PRICKLE1: variants seen among roughly 807,000 people sequenced by gnomAD.
PRICKLE1 encodes prickle planar cell polarity protein 1.
In PRICKLE1, 14 loss-of-function variants were observed where a neutral mutation model predicts 70.2. That is an observed-to-expected ratio of 0.20 (90% CI 0.13 to 0.31). The LOEUF (loss-of-function observed/expected upper bound fraction) is 0.31, where lower values mean the gene tolerates loss of function less well. Ranked by LOEUF, PRICKLE1 falls within the 10% of genes least tolerant of loss-of-function variation. The pLI is 1.00. For missense variants in PRICKLE1, 821 were observed against 1,026.2 expected, an observed-to-expected ratio of 0.80 and a Z score of 2.73; for synonymous variants, 357 against 379.9, an observed-to-expected ratio of 0.94 and a Z score of 0.70.
At chr12:42,514,166 T>C (rs1939564552) in intron 1 of PRICKLE1, among the ~76,000 whole-genome samples, 1 of 152,174 alleles carries the variant, frequency 6.6e-6, no homozygotes, top group Admixed American at 6.5e-5. Context: ...TGCAATAAAA[T>C]AGTCCAACAG....
At chr12:42,567,743 C>G (rs1241545916) in intron 1 of PRICKLE1, among the ~76,000 whole-genome samples, 1 of 145,284 alleles carries the variant, frequency 6.9e-6, no homozygotes, top group African/African-American at 2.6e-5. Flanking sequence ...AGGAGAATAG[C>G]TTGAACCCGG....
chr12:42,461,821 T>C (rs1937847975), intron 7 of PRICKLE1, among the ~76,000 whole-genome samples: 1 of 152,170 alleles, frequency 6.6e-6, no homozygotes, highest in Non-Finnish European at 1.5e-5. Context: ...TTTTTTGAGA[T>C]GGAGTCTCGC....
chr12:42,540,139 C>T (rs1940086294), intron 1 of PRICKLE1, among the ~76,000 whole-genome samples: 1 of 152,206 alleles, frequency 6.6e-6, no homozygotes, highest in South Asian at 2.1e-4. Context: ...AAATCCATAG[C>T]TTTACTCATG....
At chr12:42,514,755 TG>T (rs901348010) in intron 1 of PRICKLE1, among the ~76,000 whole-genome samples, 6 of 152,150 alleles carry the variant, frequency 3.9e-5, no homozygotes, top group Admixed American at 2.6e-4. Context: ...CTAAAAGGCT[TG>T]TTTTGAGAAA....
chr12:42,532,924 T>G (rs532633096), intron 1 of PRICKLE1, among the ~76,000 whole-genome samples: 26 of 150,664 alleles, frequency 1.7e-4, no homozygotes, highest in Non-Finnish European at 3.5e-4. Context: ...GTGTTTGGAA[T>G]CTGGTGTGTT....
At position 42,543,583 on chromosome 12, in the gene PRICKLE1, C is replaced by T. The variant is rs188050214; in HGVS notation, c.-49+45882G>A. On this transcript the variant is annotated intron_variant, in intron 1 of 7. Coordinates refer to ENST00000345127, the MANE Select transcript of PRICKLE1 (RefSeq NM_153026.3). ...TGTCGCCCAGTCTGGAGTGCAGTGGCGCGATCTTGGCTCACTGCAAGCTCC... is the reference window on the plus strand; with the variant it reads ...TGTCGCCCAGTCTGGAGTGCAGTGGTGCGATCTTGGCTCACTGCAAGCTCC... 9.4e-4 allele frequency among the ~76,000 whole-genome samples: 143 copies of T among 152,160 alleles called. No individual in the cohort carries two copies. The East Asian group carries it at 0.012, about 13-fold the overall frequency.
At chr12:42,485,053 C>T (rs2140163357) in intron 1 of PRICKLE1, among the ~76,000 whole-genome samples, 1 of 151,650 alleles carries the variant, frequency 6.6e-6, no homozygotes, top group Non-Finnish European at 1.5e-5. Flanking sequence ...AAAAATAATC[C>T]TGTACCATCA....
chr12:42,471,246 T>G (rs1214558606), intron 2 of PRICKLE1, among the ~76,000 whole-genome samples: 3 of 152,096 alleles, frequency 2.0e-5, no homozygotes, highest in African/African-American at 7.2e-5. Flanking sequence ...TTGCTCACTC[T>G]GAAAGGAAAA....
At chr12:42,520,656 T>G (rs1437452734) in intron 1 of PRICKLE1, among the ~76,000 whole-genome samples, 4 of 152,234 alleles carry the variant, frequency 2.6e-5, no homozygotes, top group Non-Finnish European at 5.9e-5. Flanking sequence ...CAAATACACT[T>G]ACACTTCAAA....
At chr12:42,467,511 G>T (rs1431850362) in intron 5 of PRICKLE1, among the ~76,000 whole-genome samples, 1 of 152,114 alleles carries the variant, frequency 6.6e-6, no homozygotes, top group East Asian at 1.9e-4. Context: ...GAGGCTGAGG[G>T]AGGTGAATCT....
intron 1 of PRICKLE1, among the ~76,000 whole-genome samples, chr12:42,535,270 A>C (rs760966795): frequency 1.3e-5 from 2 of 152,198 alleles, no homozygotes; most frequent in South Asian, 2.1e-4. Flanking sequence ...AGACATGCTG[A>C]AGAAGAAGAG....
intron 1 of PRICKLE1, among the ~76,000 whole-genome samples, chr12:42,501,233 G>A (rs911359463): frequency 1.1e-4 from 16 of 152,192 alleles, no homozygotes; most frequent in Admixed American, 4.6e-4. Context: ...GGCCGGGTGC[G>A]GTGGCTCATG....
At chr12:42,558,891 A>G (rs904163145) in intron 1 of PRICKLE1, among the ~76,000 whole-genome samples, 1 of 152,192 alleles carries the variant, frequency 6.6e-6, no homozygotes, top group Admixed American at 6.5e-5. Flanking sequence ...CAAATAGCAA[A>G]CAGGCAGAGA....
chr12:42,553,146 T>C (rs947872389), intron 1 of PRICKLE1, among the ~76,000 whole-genome samples: 4 of 147,458 alleles, frequency 2.7e-5, no homozygotes, highest in African/African-American at 9.8e-5. Context: ...GGTTCTTAAA[T>C]TTTTTTTTTT....
At chr12:42,520,182 C>T (rs1044204112) in intron 1 of PRICKLE1, among the ~76,000 whole-genome samples, 5 of 152,126 alleles carry the variant, frequency 3.3e-5, no homozygotes, top group African/African-American at 9.7e-5. Flanking sequence ...TTATCCAGGC[C>T]ACCAGATCTG....
At position 42,458,958 on chromosome 12, in the gene PRICKLE1, C is replaced by A. The variant is rs1937682240; in HGVS notation, c.*851G>T. 1 of 256,318 alleles carries A rather than the reference C, an allele frequency of 3.9e-6. No homozygotes were observed. The highest frequency in any genetic ancestry group is 4.7e-5 in the Admixed American group (1 of 21,406). The allele number at this position is 256,318 out of a possible 1,614,324, so 15.9% of individuals were successfully genotyped here. On this transcript the variant is annotated 3_prime_UTR_variant, in exon 8 of 8. Coordinates refer to ENST00000345127, the MANE Select transcript of PRICKLE1 (RefSeq NM_153026.3). ...CATAGCCCCACCATGCATACAGAGC[C>A]TTTTTTAATATTGGAAAAAAAAATC...
intron 1 of PRICKLE1, among the ~76,000 whole-genome samples, chr12:42,536,276 T>A (rs1940015909): frequency 6.6e-6 from 1 of 152,108 alleles, no homozygotes; most frequent in Non-Finnish European, 1.5e-5. Flanking sequence ...AAGAAATTAA[T>A]CCAGGAAACT....
intron 1 of PRICKLE1, among the ~76,000 whole-genome samples, chr12:42,564,715 G>A (rs1227864098): frequency 1.3e-5 from 2 of 152,192 alleles, no homozygotes; most frequent in Admixed American, 1.3e-4. Flanking sequence ...ATCTTTGGAA[G>A]ACTTAGTTCT....
At chr12:42,498,236 G>A (rs935547172) in intron 1 of PRICKLE1, among the ~76,000 whole-genome samples, 12 of 149,994 alleles carry the variant, frequency 8.0e-5, no homozygotes, top group South Asian at 6.3e-4. Context: ...GCGGTGGTGC[G>A]ATCATGGCTC....
Sources: gnomAD v4.1 joint callset for allele counts (sites outside exome capture counted in the v4.1 genomes callset) on GRCh38, gnomAD v4.1.1 for gene constraint, MANE v1.5 for transcripts, NCBI Gene and HGNC (gene_info 2026-07-23, HGNC 2026-07-21) for gene names.